SCOC: variants seen among roughly 807,000 people sequenced by gnomAD.
SCOC encodes the protein short coiled coil protein.
SCOC carries 7 observed loss-of-function variants against 9.9 expected under a neutral mutation model. The observed-to-expected ratio is 0.71, with a 90% confidence interval of 0.40 to 1.33. SCOC has a LOEUF of 1.33. Ranked by LOEUF, SCOC falls within the 40% of genes most tolerant of loss-of-function variation. The probability of loss-of-function intolerance (pLI) is 0.01; values close to 1 mark genes in which losing one functional copy is unlikely to be tolerated. For missense variants in SCOC, 66 were observed against 89.7 expected (o/e 0.74, Z 1.07); for synonymous variants, 19 against 28.2 (o/e 0.67, Z 1.03).
chr4:140,264,926 C>A (rs1349280219), intron 1 of SCOC, among the ~76,000 whole-genome samples: 2 of 152,172 alleles, frequency 1.3e-5, no homozygotes, highest in South Asian at 2.1e-4. Flanking sequence ...CCTGTCGGAG[C>A]TGCATTTGTA....
upstream of SCOC, among the ~76,000 whole-genome samples, chr4:140,371,625 T>C (rs145586999): frequency 6.6e-6 from 1 of 152,360 alleles, no homozygotes; most frequent in African/African-American, 2.4e-5. Context: ...GACATCTTTA[T>C]TGTATACCAA....
At chr4:140,259,960 C>A (rs1397792791) in intron 1 of SCOC, among the ~76,000 whole-genome samples, 1 of 152,160 alleles carries the variant, frequency 6.6e-6, no homozygotes, top group Non-Finnish European at 1.5e-5. Context: ...CTTCCTTTTC[C>A]TTTCTGCCTT....
upstream of SCOC, among the ~76,000 whole-genome samples, chr4:140,340,795 T>TTTTTTTTTTTG (rs1726485819): frequency 1.1e-5 from 1 of 93,158 alleles, no homozygotes; most frequent in African/African-American, 3.6e-5. Context: ...TTTTTTTTTT[T>TTTTTTTTTTTG]TTTTTTTTTT....
At position 140,382,695 on chromosome 4, in the gene SCOC, A is replaced by G. The variant is rs1560734663; in HGVS notation, c.*1591A>G. On this transcript the variant is annotated 3_prime_UTR_variant, in exon 4 of 4. Coordinates refer to ENST00000608372, the MANE Select transcript of SCOC (RefSeq NM_001153484.2). Reference sequence around the variant, plus strand: ...TATTTAGGGGAATAATATTTTTATTAATACAACTATAACTGGTTATCAATA... The same window carrying G: ...TATTTAGGGGAATAATATTTTTATTGATACAACTATAACTGGTTATCAATA... The G allele has an allele frequency of 1.3e-5, 2 of 152,654 alleles. No individual in the cohort carries two copies. The highest frequency in any genetic ancestry group is 6.5e-5 in the Admixed American group (1 of 15,278). 9.5% of individuals were successfully genotyped at this position (152,654 alleles called of 1,614,324 possible).
intron 1 of SCOC, among the ~76,000 whole-genome samples, chr4:140,375,302 C>T (rs778710288): frequency 1.6e-4 from 24 of 152,180 alleles, no homozygotes; most frequent in Non-Finnish European, 3.2e-4. Flanking sequence ...TTATTGAATA[C>T]CTACTATGTA....
At chr4:140,278,955 T>A (rs1731043848) in intron 1 of SCOC, among the ~76,000 whole-genome samples, 1 of 151,010 alleles carries the variant, frequency 6.6e-6, no homozygotes, top group African/African-American at 2.4e-5. Context: ...AGGGATGAAG[T>A]ATTCTGAGGT....
At chr4:140,263,943 TAGGAAACAGGTTGAA>T (rs1172076083) in intron 1 of SCOC, among the ~76,000 whole-genome samples, 1 of 152,190 alleles carries the variant, frequency 6.6e-6, no homozygotes, top group Non-Finnish European at 1.5e-5. Context: ...GACCTATCAG[TAGGAAACAGGTTGAA>T]AAGTCTCACA....
At chr4:140,329,809 G>C (rs1732757237) in intron 1 of SCOC, among the ~76,000 whole-genome samples, 1 of 152,064 alleles carries the variant, frequency 6.6e-6, no homozygotes, top group South Asian at 2.1e-4. Context: ...AATAGATGCT[G>C]GCATGGATGT....
In SCOC at chr4:140,270,642, A is replaced by C. The variant is rs554435015; in HGVS notation, c.-19+13232A>C. Among the ~76,000 whole-genome samples, 27 of 152,278 alleles carry C rather than the reference A, an allele frequency of 1.8e-4. No homozygotes were observed. In the South Asian group the frequency reaches 4.6e-3, roughly 26 times the overall value. ...CTGCTACCTGGCCCTGGCAATGACT[A>C]GGATACAGGACTAGTGACCCAAATG... is the stretch of plus-strand genomic sequence containing the variant. On this transcript the variant is annotated intron_variant, in intron 1 of 4. Transcript: ENST00000394205.
At chr4:140,379,766 C>A in intron 3 of SCOC, 114 bp downstream of exon 3, 1 of 682,388 alleles carries the variant, frequency 1.5e-6, no homozygotes, top group Non-Finnish European at 2.6e-6. Context: ...GAATGAACTT[C>A]AAAGTACACA....
At chr4:140,365,525 T>C (rs1234560869) in intron 2 of SCOC, among the ~76,000 whole-genome samples, 1 of 152,164 alleles carries the variant, frequency 6.6e-6, no homozygotes, top group Non-Finnish European at 1.5e-5. Context: ...CTAAGAGAAA[T>C]GAAAAGGAGC....
intron 1 of SCOC, among the ~76,000 whole-genome samples, chr4:140,293,886 T>C (rs1485406859): frequency 1.3e-5 from 2 of 152,176 alleles, no homozygotes; most frequent in Non-Finnish European, 2.9e-5. Context: ...CTGGGGGCTC[T>C]TCAGAAAGTA....
intron 2 of SCOC, among the ~76,000 whole-genome samples, chr4:140,349,678 A>G (rs1350457663): frequency 6.6e-6 from 1 of 152,160 alleles, no homozygotes; most frequent in Non-Finnish European, 1.5e-5. Flanking sequence ...TCACAATCTG[A>G]TCAATCACCA....
At chr4:140,366,105 T>C (rs1034416925) in intron 2 of SCOC, 5 of 379,530 alleles carry the variant, frequency 1.3e-5, no homozygotes, top group African/African-American at 2.1e-5. Flanking sequence ...GTTTGTATAA[T>C]GCAATTTTAA....
intron 1 of SCOC, among the ~76,000 whole-genome samples, chr4:140,310,938 C>G (rs945974618): frequency 2.0e-5 from 3 of 152,216 alleles, no homozygotes; most frequent in African/African-American, 4.8e-5. Flanking sequence ...CTGTTTTGCT[C>G]TGTGTGTGTG....
intron 1 of SCOC, among the ~76,000 whole-genome samples, chr4:140,309,746 G>A (rs1313860114): frequency 6.6e-6 from 1 of 152,150 alleles, no homozygotes; most frequent in African/African-American, 2.4e-5. Flanking sequence ...TTGAACAGGA[G>A]TAAAAGAGAG....
chr4:140,281,682 C>G (rs574846862), intron 1 of SCOC, among the ~76,000 whole-genome samples: 1 of 152,318 alleles, frequency 6.6e-6, no homozygotes, highest in African/African-American at 2.4e-5. Flanking sequence ...ATCTCCAACT[C>G]AGGACCACCT....
chr4:140,366,139 T>C, intron 2 of SCOC: 1 of 462,564 alleles, frequency 2.2e-6, no homozygotes, highest in Non-Finnish European at 3.8e-6. Context: ...GCCTAGCATT[T>C]TAGAGCCTTG....
At chr4:140,293,347 C>G (rs2084334723) in intron 1 of SCOC, 1 of 456,796 alleles carries the variant, frequency 2.2e-6, no homozygotes, top group African/African-American at 2.0e-5. Context: ...CCTCACGTCA[C>G]TCCTGGTGTG....
Sources: allele counts gnomAD v4.1 joint callset (sites outside exome capture counted in the v4.1 genomes callset), GRCh38; gene constraint gnomAD v4.1.1; transcripts MANE v1.5; gene names NCBI Gene and HGNC (gene_info 2026-07-23, HGNC 2026-07-21).